Variants in PRKDC observed in about 807,000 individuals in gnomAD.
PRKDC encodes DNA-dependent protein kinase catalytic subunit.
Under a neutral mutation model 486.9 loss-of-function variants are expected in PRKDC, and 82 were observed. The ratio of observed to expected loss-of-function variants is 0.17; its 90% CI spans 0.14 to 0.20. The LOEUF (loss-of-function observed/expected upper bound fraction) is 0.20, where lower values mean the gene tolerates loss of function less well. Ranked by LOEUF, PRKDC falls within the 10% of genes least tolerant of loss-of-function variation. The pLI is 1.00. For synonymous variants in PRKDC, 1,895 were observed against 1,837.0 expected, an observed-to-expected ratio of 1.03 and a Z score of -0.81; for missense variants, 4,504 against 5,038.2, an observed-to-expected ratio of 0.89 and a Z score of 3.21.
In PRKDC at chr8:47,934,041, G is replaced by C; in HGVS notation, c.1547C>G (p.Thr516Ser). The C allele has an allele frequency of 6.2e-7, 1 of 1,613,820 alleles. No individual in the cohort carries two copies. Among genetic ancestry groups the C allele is most frequent in the Non-Finnish European group, 8.5e-7 (1 of 1,179,796 alleles). The change falls in exon 15 of 86, where the codon ACT becomes AGT. Residue 516 changes from threonine (T) to serine (S), a missense_variant. Transcript: ENST00000314191. Reference protein sequence around the residue: ...EDHRASGEVRTGKWKVPTYKD... With the variant: ...EDHRASGEVRSGKWKVPTYKD... ...GTATGTGGGCACCTTCCATTTGCCAGTTCTGACTTCCCCTGAAGCACGGTG... is the reference window on the plus strand; with the variant it reads ...GTATGTGGGCACCTTCCATTTGCCACTTCTGACTTCCCCTGAAGCACGGTG...
At chr8:47,819,263 G>A in intron 67 of PRKDC, 139 bp downstream of exon 67, 1 of 555,272 alleles carries the variant, frequency 1.8e-6, no homozygotes, top group East Asian at 3.3e-5. Context: ...TCTGAAAATA[G>A]GTATTTGTAG....
chr8:47,941,406 C>T (rs936602588), intron 10 of PRKDC, among the ~76,000 whole-genome samples: 3 of 152,084 alleles, frequency 2.0e-5, no homozygotes, highest in South Asian at 2.1e-4. Context: ...CAATGTGACT[C>T]GGAATGGGAG....
intron 7 of PRKDC, among the ~76,000 whole-genome samples, chr8:47,949,917 T>C (rs1314116650): frequency 6.6e-6 from 1 of 152,174 alleles, no homozygotes; most frequent in Non-Finnish European, 1.5e-5. Flanking sequence ...ATTTTGTAAG[T>C]TTCAACCTAA....
At chr8:47,831,129 C>G (rs2087859993) in intron 60 of PRKDC, among the ~76,000 whole-genome samples, 1 of 152,144 alleles carries the variant, frequency 6.6e-6, no homozygotes, top group Non-Finnish European at 1.5e-5. Context: ...GCTGCAGAGC[C>G]CAAAGCTCCC....
Position 47,900,406 on chromosome 8 carries a change from G to T in PRKDC, c.3331C>A (p.Leu1111Met), listed in dbSNP as rs1443893541. The change falls in exon 28 of 86, where the codon CTG becomes ATG. Residue 1111 changes from leucine to methionine, a missense_variant. By Grantham distance (15) the Leu-to-Met change is conservative. Coordinates refer to ENST00000314191, the MANE Select transcript of PRKDC (RefSeq NM_006904.7). Reference protein sequence around the residue: ...FEALVIYMESLALAHADEKSL... With the variant: ...FEALVIYMESMALAHADEKSL... Reference sequence around the variant, plus strand: ...TTCTCATCTGCATGTGCTAAGGCCAGACTCTCCATGTATATCACCAAGGCT... The same window carrying T: ...TTCTCATCTGCATGTGCTAAGGCCATACTCTCCATGTATATCACCAAGGCT... The T allele has an allele frequency of 6.2e-7, 1 of 1,611,784 alleles. No homozygotes were observed. Among genetic ancestry groups the T allele is most frequent in the Non-Finnish European group, 8.5e-7 (1 of 1,179,090 alleles).
intron 31 of PRKDC, among the ~76,000 whole-genome samples, chr8:47,892,582 C>T (rs1436094387): frequency 2.0e-5 from 3 of 152,166 alleles, no homozygotes; most frequent in Non-Finnish European, 2.9e-5. Context: ...CCTCCTGCCT[C>T]GGCTTCCCAA....
intron 17 of PRKDC, 53 bp downstream of exon 17, chr8:47,930,619 C>A: frequency 1.3e-6 from 2 of 1,486,020 alleles, no homozygotes; most frequent in East Asian, 4.9e-5. Flanking sequence ...TATATTACAG[C>A]CAATAACTAA....
intron 7 of PRKDC, among the ~76,000 whole-genome samples, chr8:47,952,403 G>A (rs180708319): frequency 2.0e-5 from 3 of 152,318 alleles, no homozygotes; most frequent in African/African-American, 7.2e-5. Flanking sequence ...GTAACTTTTT[G>A]AAATGACGAA....
At chr8:47,944,725 C>T (rs1038141894) in intron 7 of PRKDC, among the ~76,000 whole-genome samples, 12 of 152,226 alleles carry the variant, frequency 7.9e-5, no homozygotes, top group Non-Finnish European at 8.8e-5. Flanking sequence ...TTATTCATCA[C>T]TAATTTCTCT....
chr8:47,824,342 C>T (rs180869072), intron 63 of PRKDC, among the ~76,000 whole-genome samples: 20 of 151,838 alleles, frequency 1.3e-4, no homozygotes, highest in Admixed American at 9.8e-4. Context: ...GGCATGGTGG[C>T]GCATGCCTGT....
intron 42 of PRKDC, 50 bp downstream of exon 42, chr8:47,863,349 C>T (rs761998712): frequency 6.3e-6 from 9 of 1,423,988 alleles, no homozygotes; most frequent in Admixed American, 4.0e-5. Context: ...AATATATGTA[C>T]CCAAAGCATT....
chr8:47,831,340 C>T (rs1372313214), intron 60 of PRKDC, among the ~76,000 whole-genome samples: 1 of 152,230 alleles, frequency 6.6e-6, no homozygotes, highest in Non-Finnish European at 1.5e-5. Context: ...TTTTTCTTAA[C>T]GATCCGTCCT....
chr8:47,897,345 C>T, intron 29 of PRKDC, 51 bp from the exon 30 acceptor site: 1 of 1,483,466 alleles, frequency 6.7e-7, no homozygotes, highest in Non-Finnish European at 9.1e-7. Context: ...ATGCAACATT[C>T]AGCTACCAAG....
chr8:47,840,266 T>A, intron 54 of PRKDC, 77 bp from the exon 55 acceptor site: 1 of 1,186,984 alleles, frequency 8.4e-7, no homozygotes, highest in Non-Finnish European at 1.2e-6. Flanking sequence ...AGGCAACTTT[T>A]TCTTCTTTGT....
intron 68 of PRKDC, among the ~76,000 whole-genome samples, chr8:47,811,160 GA>G (rs1449986721): frequency 6.6e-6 from 1 of 151,970 alleles, no homozygotes; most frequent in African/African-American, 2.4e-5. Flanking sequence ...CAATGATAAA[GA>G]AAAAAAATCT....
At chr8:47,877,674 C>A in intron 40 of PRKDC, 50 bp downstream of exon 40, 1 of 1,450,672 alleles carries the variant, frequency 6.9e-7, no homozygotes, top group Non-Finnish European at 9.2e-7. Context: ...TAATTTCCCA[C>A]AAAACTGAAA....
rs1010515454 is a variant in PRKDC at position 47,936,413 on chromosome 8, A to G, written c.1218T>C (p.Arg406=). The G allele has an allele frequency of 8.1e-6, 13 of 1,613,894 alleles. No homozygotes were observed. The African/African-American group carries it at 1.7e-4, about 22-fold the overall frequency. The change falls in exon 12 of 86, where the codon CGT becomes CGC. Residue 406 remains arginine, a synonymous_variant. Transcript: ENST00000314191. The part of the protein sequence containing the change: ...FLTQTDTGDD[R]VYQMPSFLQS... ...GGAGGAAGCTTGGCATCTGATAAAC[A>G]CGGTCGTCACCAGTGTCTGTCTGGG...
chr8:47,881,376 A>G, intron 38 of PRKDC, 40 bp downstream of exon 38: 1 of 1,154,722 alleles, frequency 8.7e-7, no homozygotes, highest in South Asian at 1.4e-5. Context: ...CGAAAACAGA[A>G]GAGAATGTAA....
At chr8:47,898,307 C>G (rs1052822870) in intron 29 of PRKDC, among the ~76,000 whole-genome samples, 163 bp downstream of exon 29, 1 of 152,182 alleles carries the variant, frequency 6.6e-6, no homozygotes, top group Non-Finnish European at 1.5e-5. Flanking sequence ...AAACACAAAG[C>G]TTTTTAACGT....
Sources: gnomAD v4.1 joint callset for allele counts (sites outside exome capture counted in the v4.1 genomes callset) on GRCh38, gnomAD v4.1.1 for gene constraint, MANE v1.5 for transcripts, NCBI Gene and HGNC (gene_info 2026-07-23, HGNC 2026-07-21) for gene names.